SUGCT: variants seen among roughly 807,000 people sequenced by gnomAD.
SUGCT encodes succinyl-CoA:glutarate CoA-transferase.
In SUGCT, 41 loss-of-function variants were observed where a neutral mutation model predicts 55.0. The ratio of observed to expected loss-of-function variants is 0.74; its 90% confidence interval spans 0.58 to 0.97. SUGCT has a LOEUF of 0.97. Among genes scored for constraint, SUGCT ranks in the 50% least tolerant of loss-of-function variants. SUGCT has a pLI of 0.00. For missense variants in SUGCT, 568 were observed against 547.8 expected (o/e 1.04, Z -0.37); for synonymous variants, 187 against 200.4 (o/e 0.93, Z 0.56).
chr7:40,824,030 G>A (rs1291693629), intron 13 of SUGCT, among the ~76,000 whole-genome samples: 1 of 152,114 alleles, frequency 6.6e-6, no homozygotes, highest in Non-Finnish European at 1.5e-5. Context: ...GATGACTGGG[G>A]AGTGGCTAGA....
At chr7:40,482,095 G>T (rs954755225) in intron 11 of SUGCT, among the ~76,000 whole-genome samples, 5 of 152,120 alleles carry the variant, frequency 3.3e-5, no homozygotes, top group African/African-American at 1.2e-4. Context: ...CCCTTTCCAA[G>T]AATGGATTGT....
At chr7:40,797,270 C>T (rs1790594309) in intron 13 of SUGCT, among the ~76,000 whole-genome samples, 1 of 152,072 alleles carries the variant, frequency 6.6e-6, no homozygotes, top group African/African-American at 2.4e-5. Flanking sequence ...GTTGAAATAC[C>T]TGCCTTATTT....
At chr7:40,273,046 T>G (rs754674159) in intron 7 of SUGCT, among the ~76,000 whole-genome samples, 1 of 152,170 alleles carries the variant, frequency 6.6e-6, no homozygotes, top group Non-Finnish European at 1.5e-5. Flanking sequence ...TCAATGTAAC[T>G]TTGAACTTGT....
chr7:40,208,545 A>G (rs1381242686), intron 6 of SUGCT, among the ~76,000 whole-genome samples: 1 of 152,066 alleles, frequency 6.6e-6, no homozygotes, highest in Non-Finnish European at 1.5e-5. Flanking sequence ...TCTCTTGTTC[A>G]AGAATAAATT....
chr7:40,911,195 A>G, the SUGCT span, among the ~76,000 whole-genome samples: 1 of 152,296 alleles, frequency 6.6e-6, no homozygotes, highest in South Asian at 2.1e-4. Context: ...AACTAAGAAG[A>G]TAAACAACAA....
At chr7:40,508,806 G>C (rs1356645466) in intron 12 of SUGCT, among the ~76,000 whole-genome samples, 1 of 152,156 alleles carries the variant, frequency 6.6e-6, no homozygotes, top group Non-Finnish European at 1.5e-5. Context: ...CTCTTTCCAA[G>C]ATAACCCAAA....
intron 12 of SUGCT, among the ~76,000 whole-genome samples, chr7:40,575,943 C>CAAAAAAA (rs766046012): frequency 1.4e-5 from 1 of 69,696 alleles, no homozygotes; most frequent in Non-Finnish European, 3.3e-5. Context: ...GACACTGTCT[C>CAAAAAAA]AAAAAAAAAA....
At chr7:40,273,992 T>A (rs962371277) in intron 7 of SUGCT, among the ~76,000 whole-genome samples, 2 of 151,818 alleles carry the variant, frequency 1.3e-5, no homozygotes, top group Non-Finnish European at 2.9e-5. Context: ...AGTCTTTTTT[T>A]AAATTATTAA....
intron 12 of SUGCT, among the ~76,000 whole-genome samples, chr7:40,705,685 A>G (rs539338192): frequency 1.3e-5 from 2 of 152,336 alleles, no homozygotes; most frequent in African/African-American, 4.8e-5. Context: ...TTATGCCATC[A>G]GAAGCTATAG....
At chr7:40,613,754 G>A (rs998338894) in intron 12 of SUGCT, among the ~76,000 whole-genome samples, 9 of 152,136 alleles carry the variant, frequency 5.9e-5, no homozygotes, top group African/African-American at 2.2e-4. Flanking sequence ...GGGATTACAG[G>A]CGCCTGCCAC....
At chr7:40,927,888 C>T in the SUGCT span, among the ~76,000 whole-genome samples, 1 of 152,048 alleles carries the variant, frequency 6.6e-6, no homozygotes, top group African/African-American at 2.4e-5. Context: ...CTTTATTTGT[C>T]TTTACTCATA....
chr7:40,533,874 G>C (rs150288317), intron 12 of SUGCT, among the ~76,000 whole-genome samples: 1 of 151,998 alleles, frequency 6.6e-6, no homozygotes, highest in Non-Finnish European at 1.5e-5. Flanking sequence ...TTAAAATATT[G>C]CAAAATGGAC....
chr7:40,342,913 G>T (rs1181323589), intron 9 of SUGCT, among the ~76,000 whole-genome samples: 3 of 152,184 alleles, frequency 2.0e-5, no homozygotes, highest in African/African-American at 7.2e-5. Flanking sequence ...AAAGTGCTGG[G>T]ATTACAGGCA....
At chr7:40,271,602 T>G (rs1438621756) in intron 7 of SUGCT, among the ~76,000 whole-genome samples, 2 of 152,146 alleles carry the variant, frequency 1.3e-5, no homozygotes, top group Non-Finnish European at 2.9e-5. Flanking sequence ...ATGTGATCAT[T>G]CCATACATTA....
intron 12 of SUGCT, among the ~76,000 whole-genome samples, chr7:40,617,005 C>G (rs959864077): frequency 6.6e-6 from 1 of 151,982 alleles, no homozygotes; most frequent in Non-Finnish European, 1.5e-5. Flanking sequence ...ATAATTATGA[C>G]TTTTTTCATA....
intron 6 of SUGCT, among the ~76,000 whole-genome samples, chr7:40,215,944 G>T (rs1365937807): frequency 6.6e-6 from 1 of 152,012 alleles, no homozygotes; most frequent in African/African-American, 2.4e-5. Context: ...TGGCATGAAT[G>T]GTTTGGGATT....
the SUGCT span, among the ~76,000 whole-genome samples, chr7:40,912,849 A>G: frequency 6.7e-6 from 1 of 150,036 alleles, no homozygotes; most frequent in African/African-American, 2.4e-5. Context: ...ATAGAATGCT[A>G]CTTTTCTGTC....
chr7:40,406,596 C>T (rs1786384352), intron 9 of SUGCT, among the ~76,000 whole-genome samples: 2 of 152,228 alleles, frequency 1.3e-5, no homozygotes, highest in Middle Eastern at 3.4e-3. Context: ...ATAATTTTTT[C>T]AAAGGTCTTT....
At chr7:40,575,629 C>T (rs1338715838) in intron 12 of SUGCT, among the ~76,000 whole-genome samples, 1 of 151,880 alleles carries the variant, frequency 6.6e-6, no homozygotes, top group African/African-American at 2.4e-5. Flanking sequence ...CTTAGGTTTC[C>T]ATCACTTGTA....
Sources: allele counts gnomAD v4.1 joint callset (sites outside exome capture counted in the v4.1 genomes callset), GRCh38; gene constraint gnomAD v4.1.1; transcripts MANE v1.5; gene names NCBI Gene and HGNC (gene_info 2026-07-23, HGNC 2026-07-21).